STUB1: variants seen among roughly 807,000 people sequenced by gnomAD.
STUB1 encodes STIP1 homology and U-box containing protein 1, also known as E3 ubiquitin-protein ligase CHIP.
A neutral mutation model predicts 40.3 loss-of-function variants in STUB1; 37 were observed. The ratio of observed to expected loss-of-function variants is 0.92; its 90% CI spans 0.71 to 1.21. The LOEUF (loss-of-function observed/expected upper bound fraction) is 1.21, where lower values mean the gene tolerates loss of function less well. Ranked by LOEUF, STUB1 falls within the 50% of genes most tolerant of loss-of-function variation. STUB1 has a pLI of 0.00. For missense variants in STUB1, 460 were observed against 421.9 expected (o/e 1.09, Z -0.79); for synonymous variants, 246 against 171.9 (o/e 1.43, Z -3.37).
rs1037970095 is a variant in STUB1, at chr16:682,658, C to A, written c.*169C>A. On this transcript the variant is annotated 3_prime_UTR_variant, in exon 7 of 7. Transcript: ENST00000219548. ...ATCGCTTTTGCTGGGCCGTGATCGT[C>A]CCCCTTTGTGGGCTGGAAAAGCAGG... 4.3e-6 allele frequency: 6 copies of A among 1,404,944 alleles called. No homozygotes were observed. The highest frequency in any genetic ancestry group is 3.9e-6 in the Non-Finnish European group (4 of 1,025,668). The allele number at this position is 1,404,944 out of a possible 1,614,324, so 87.0% of individuals were successfully genotyped here. A position where few individuals can be genotyped will look rare whatever the true frequency, so the allele number is the denominator to read the frequency against.
rs777536023 is a variant in STUB1, at chr16:680,933, C to T, written c.160-219C>T. On this transcript the variant is annotated intron_variant, in intron 1 of 6. Transcript: ENST00000219548. The surrounding 1 kb of genome is among the most constrained non-coding windows in gnomAD (Gnocchi z 4.9). ...GGACCCCAGGTCCTAAGCCCGGACT[C>T]TCCAAAGATTTGGAAAACTTTACAA... The T allele has an allele frequency of 2.2e-5, 15 of 683,122 alleles. No homozygotes were observed. Among genetic ancestry groups the T allele is most frequent in the Non-Finnish European group, 3.3e-5 (14 of 421,944 alleles). 42.3% of individuals were successfully genotyped at this position (683,122 alleles called of 1,614,324 possible). A position where few individuals can be genotyped will look rare whatever the true frequency, so the allele number is the denominator to read the frequency against.
Position 681,752 on chromosome 16 carries a change from T to C in STUB1, c.525-41T>C, listed in dbSNP as rs150682790. The stretch of plus-strand genomic sequence containing the variant: ...TGAGATTGGGGTGTGGTCAGACATC[T>C]GGCCAGGTCCATCTCTGACCGGCTC... On this transcript the variant is annotated intron_variant, in intron 3 of 6. Transcript: ENST00000219548. The C allele has an allele frequency of 1.7e-5, 27 of 1,564,172 alleles. No homozygotes were observed. In the East Asian group the frequency reaches 4.3e-4, roughly 25 times the overall value.
Position 681,579 on chromosome 16 carries a change from G to A in STUB1, c.500G>A (p.Arg167Lys). The change falls in exon 3 of 7, where the codon AGG (arginine) becomes AAG (lysine). Residue 167 changes from arginine to lysine, a missense_variant. By Grantham distance (26) the Arg-to-Lys change is conservative (BLOSUM62 2). Transcript: ENST00000219548. The stretch of plus-strand genomic sequence containing the variant: ...AGCGAGCTGCACTCCTACCTCTCCA[G>A]GCTCATTGCCGCGGAGCGTGAGAGG... ...QESELHSYLS[R>K]LIAAEREREL... 1.2e-6 allele frequency: 2 copies of A among 1,610,434 alleles called. No homozygotes were observed. The highest frequency in any genetic ancestry group is 2.7e-5 in the African/African-American group (2 of 75,018).
chr16:680,680 C>A lies in STUB1; in HGVS notation c.155C>A (p.Ala52Glu). 1.6e-6 allele frequency: 2 copies of A among 1,255,980 alleles called. No homozygotes were observed. Among genetic ancestry groups the A allele is most frequent in the East Asian group, 3.3e-5 (1 of 29,896 alleles). 77.8% of individuals were successfully genotyped at this position (1,255,980 alleles called of 1,614,324 possible). Residue 52 changes from alanine to glutamate, a missense_variant, in exon 1 of 7, where the codon GCG becomes GAG. By Grantham distance (107) the Ala-to-Glu change is moderately radical. Coordinates refer to ENST00000219548, the MANE Select transcript of STUB1 (RefSeq NM_005861.4). This position sits in a 1 kb window ranked among gnomAD's most constrained non-coding sequence, Gnocchi z 4.9. ...GAGGCGGCGGCCTGCTACGGCCGCG[C>A]GATCGTGAGTGCGCCCGCGCGGGGA... Reference protein sequence around the residue: ...YPEAAACYGRAITRNPLVAVY... With the variant: ...YPEAAACYGREITRNPLVAVY...
In STUB1 at chr16:680,741, G is replaced by C. The variant is rs1196725896; in HGVS notation, c.159+57G>C. ...GGTGGCACCGGGGAGGGCCGGGCCC[G>C]GGCCCGGCCGGCCCCACCGAGGGTC... On this transcript the variant is annotated intron_variant, in intron 1 of 6. Transcript: ENST00000219548. The surrounding 1 kb of genome is among the most constrained non-coding windows in gnomAD (Gnocchi z 4.9). The C allele has an allele frequency of 8.5e-7, 1 of 1,175,736 alleles. No homozygotes were observed. 72.8% of individuals were successfully genotyped at this position (1,175,736 alleles called of 1,614,324 possible).
chr16:681,240 G>C lies in STUB1; in HGVS notation c.248G>C (p.Cys83Ser). The C allele has an allele frequency of 6.2e-7, 1 of 1,612,430 alleles. No homozygotes were observed. Among genetic ancestry groups the C allele is most frequent in the Non-Finnish European group, 8.5e-7 (1 of 1,179,812 alleles). ...CAGCACGAGCAGGCCCTGGCCGACTGCCGGCGCGCCCTGGAGCTGGACGGG... is the reference window on the plus strand; with the variant it reads ...CAGCACGAGCAGGCCCTGGCCGACTCCCGGCGCGCCCTGGAGCTGGACGGG... ...MQQHEQALAD[C>S]RRALELDGQS... The change falls in exon 2 of 7, where the codon TGC (cysteine) becomes TCC (serine). Residue 83 changes from cysteine (C) to serine (S), a missense_variant. Transcript: ENST00000219548.
chr16:682,495 C>T lies in STUB1; in HGVS notation c.*6C>T, dbSNP rs764349016. On this transcript the variant is annotated 3_prime_UTR_variant, in exon 7 of 7. Transcript: ENST00000219548. ...GCTGGGTGGAGGACTACTGAGGTTC[C>T]CTGCCCTACCTGGCGTCCTGGTCCA... 8.1e-6 allele frequency: 13 copies of T among 1,613,082 alleles called. No individual in the cohort carries two copies. Among genetic ancestry groups the T allele is most frequent in the Non-Finnish European group, 1.0e-5 (12 of 1,179,956 alleles).
At position 682,347 on chromosome 16, in the gene STUB1, CCTT is replaced by C. The variant is rs777574232; in HGVS notation, c.787-13_787-11del. ...CCTGGGCCCCATGACTGCCCTCTGCCCTTCTTGTCACTGCAGCGTGTGGGTCAT... is the reference window on the plus strand; with the variant it reads ...CCTGGGCCCCATGACTGCCCTCTGCCCTTGTCACTGCAGCGTGTGGGTCAT... On this transcript the variant is annotated splice_polypyrimidine_tract_variant and intron_variant, in intron 6 of 6. Transcript: ENST00000219548. 1.4e-5 allele frequency: 22 copies of C among 1,612,976 alleles called. No individual in the cohort carries two copies. The highest frequency in any genetic ancestry group is 1.6e-4 in the Middle Eastern group (1 of 6,084).
rs762026266 is a variant in STUB1 at position 681,844 on chromosome 16, C to T, written c.576C>T (p.His192=). ...RNHEGDEDDS[H]VRAQQACIEA... ...ACGAGGGTGATGAGGACGACAGCCA[C>T]GTCCGGGCCCAGCAGGCCTGCATTG... The change falls in exon 4 of 7, where the codon CAC becomes CAT. Residue 192 remains histidine, a synonymous_variant. Transcript: ENST00000219548. 17 of 1,611,462 alleles carry T rather than the reference C, an allele frequency of 1.1e-5. No homozygotes were observed. The highest frequency in any genetic ancestry group is 1.6e-4 in the Middle Eastern group (1 of 6,074).
rs1487454048 is a variant in STUB1, at chr16:681,826, T to C, written c.558T>C (p.Gly186=). 2 of 1,608,234 alleles carry C rather than the reference T, an allele frequency of 1.2e-6. No individual in the cohort carries two copies. Among genetic ancestry groups the C allele is most frequent in the Admixed American group, 1.7e-5 (1 of 59,786 alleles). ...ELEECQRNHE[G]DEDDSHVRAQ... Reference sequence around the variant, plus strand: ...AAGAGTGCCAGCGAAACCACGAGGGTGATGAGGACGACAGCCACGTCCGGG... The same window carrying C: ...AAGAGTGCCAGCGAAACCACGAGGGCGATGAGGACGACAGCCACGTCCGGG... Residue 186 remains glycine (G), a synonymous_variant, in exon 4 of 7, where the codon GGT becomes GGC. Transcript: ENST00000219548.
rs1270705974 is a variant in STUB1 at position 682,010 on chromosome 16, C to T, written c.613-10C>T. 2 of 1,608,206 alleles carry T rather than the reference C, an allele frequency of 1.2e-6. No individual in the cohort carries two copies. On this transcript the variant is annotated splice_polypyrimidine_tract_variant and intron_variant, in intron 4 of 6. Coordinates refer to ENST00000219548, the MANE Select transcript of STUB1 (RefSeq NM_005861.4). ...TGTCTCCCCCAAGCACAGCACTCAA[C>T]TCTTCACAGGACAAGTACATGGCGG...
rs1596554011 is a variant in STUB1, at chr16:682,619, T to C, written c.*130T>C. The C allele has an allele frequency of 1.4e-6, 2 of 1,458,930 alleles. No homozygotes were observed. Among genetic ancestry groups the C allele is most frequent in the East Asian group, 2.3e-5 (1 of 43,426 alleles). 90.4% of individuals were successfully genotyped at this position (1,458,930 alleles called of 1,614,324 possible). A position where few individuals can be genotyped will look rare whatever the true frequency, so the allele number is the denominator to read the frequency against. ...AGTTCTGCTGTTGGACTCTGGACTG[T>C]TTCCCCTCTCAGCATCGCTTTTGCT... On this transcript the variant is annotated 3_prime_UTR_variant, in exon 7 of 7. Transcript: ENST00000219548.
In STUB1 at chr16:681,736, G is replaced by C. The variant is rs2039662369; in HGVS notation, c.525-57G>C. 40 of 1,554,174 alleles carry C rather than the reference G, an allele frequency of 2.6e-5. No individual in the cohort carries two copies. The South Asian group carries it at 4.5e-4, about 18-fold the overall frequency. On this transcript the variant is annotated intron_variant, in intron 3 of 6. Transcript: ENST00000219548. ...GTGTGGATGTTAGCTCTGAGATTGGGGTGTGGTCAGACATCTGGCCAGGTC... is the reference window on the plus strand; with the variant it reads ...GTGTGGATGTTAGCTCTGAGATTGGCGTGTGGTCAGACATCTGGCCAGGTC...
rs763270493 is a variant in STUB1, at chr16:682,221, G to T, written c.726G>T (p.Glu242Asp). Reference protein sequence around the residue: ...CGKISFELMREPCITPSGITY... With the variant: ...CGKISFELMRDPCITPSGITY... ...AGATCAGCTTTGAGCTGATGCGGGA[G>T]CCGTGCATCACGCCCAGTGGCATCA... is the stretch of plus-strand genomic sequence containing the variant. Residue 242 changes from glutamate to aspartate, a missense_variant, in exon 6 of 7, where the codon GAG becomes GAT. Transcript: ENST00000219548. 2.5e-6 allele frequency: 4 copies of T among 1,612,952 alleles called. No homozygotes were observed. The Admixed American group carries it at 5.0e-5, about 20-fold the overall frequency.
At position 682,387 on chromosome 16, in the gene STUB1, G is replaced by A. The variant is rs772336407; in HGVS notation, c.810G>A (p.Val270=). 3 of 1,613,230 alleles carry A rather than the reference G, an allele frequency of 1.9e-6. No homozygotes were observed. The change falls in exon 7 of 7, where the codon GTG becomes GTA. Residue 270 remains valine (V), a synonymous_variant. Coordinates refer to ENST00000219548, the MANE Select transcript of STUB1 (RefSeq NM_005861.4). The part of the protein sequence containing the change: ...HLQRVGHFDP[V]TRSPLTQEQL... ...AGCGTGTGGGTCATTTTGACCCCGT[G>A]ACCCGGAGCCCCCTGACCCAGGAAC...
In STUB1 at chr16:680,734, C is replaced by T; in HGVS notation, c.159+50C>T. 1 of 1,015,532 alleles carries T rather than the reference C, an allele frequency of 9.8e-7. No homozygotes were observed. Among genetic ancestry groups the T allele is most frequent in the African/African-American group, 1.7e-5 (1 of 57,458 alleles). 62.9% of individuals were successfully genotyped at this position (1,015,532 alleles called of 1,614,324 possible). On this transcript the variant is annotated intron_variant, in intron 1 of 6. Transcript: ENST00000219548. This position sits in a 1 kb window ranked among gnomAD's most constrained non-coding sequence, Gnocchi z 4.9. The stretch of plus-strand genomic sequence containing the variant: ...CGGCGGCGGTGGCACCGGGGAGGGC[C>T]GGGCCCGGGCCCGGCCGGCCCCACC...
intron 3 of STUB1, 60 bp downstream of exon 3, chr16:681,663 C>T (rs943008539): frequency 6.4e-7 from 1 of 1,569,252 alleles, no homozygotes; most frequent in Non-Finnish European, 8.7e-7. Context: ...CGACTCCCGA[C>T]ACAAGCGTTT....
At position 682,529 on chromosome 16, in the gene STUB1, C is replaced by G. The variant is rs535240339; in HGVS notation, c.*40C>G. The G allele has an allele frequency of 3.1e-6, 5 of 1,611,350 alleles. No individual in the cohort carries two copies. In the South Asian group the frequency reaches 4.4e-5, roughly 14 times the overall value. ...CCTGGCGTCCTGGTCCAGGGGAGCC[C>G]TGGGCAGAAGCCCCCGGCCCCTATA... is the stretch of plus-strand genomic sequence containing the variant. On this transcript the variant is annotated 3_prime_UTR_variant, in exon 7 of 7. Transcript: ENST00000219548.
Position 681,607 on chromosome 16 carries a change from G to C in STUB1, c.524+4G>C, listed in dbSNP as rs758124201. On this transcript the variant is annotated splice_donor_region_variant and intron_variant, in intron 3 of 6. Transcript: ENST00000219548. ...TCATTGCCGCGGAGCGTGAGAGGTG[G>C]GACCCTCACCCCAGGCCGCCCTGTC... The C allele has an allele frequency of 6.2e-7, 1 of 1,603,766 alleles. No individual in the cohort carries two copies. The highest frequency in any genetic ancestry group is 8.5e-7 in the Non-Finnish European group (1 of 1,174,440).
Sources: gnomAD v4.1 joint callset for allele counts on GRCh38, gnomAD v4.1.1 for gene constraint, Gnocchi (gnomAD v3.1) non-coding constraint, MANE v1.5 for transcripts, NCBI Gene and HGNC (gene_info 2026-07-23, HGNC 2026-07-21) for gene names.